Variants in CSMD1 observed in about 807,000 individuals in gnomAD.
CSMD1 encodes CUB and Sushi multiple domains 1, also known as CUB and sushi domain-containing protein 1.
Under a neutral mutation model 417.5 loss-of-function variants are expected in CSMD1, and 213 were observed. That is an observed-to-expected ratio of 0.51 (90% confidence interval 0.46 to 0.57). The LOEUF (loss-of-function observed/expected upper bound fraction) is 0.57, where lower values mean the gene tolerates loss of function less well. CSMD1 is among the 20% of genes least tolerant of loss of function. The pLI, the probability that CSMD1 is intolerant of heterozygous loss-of-function variation, is 0.00. For synonymous variants in CSMD1, 2,862 were observed against 1,736.8 expected, an observed-to-expected ratio of 1.65 and a Z score of -16.11; for missense variants, 6,923 against 4,529.7, an observed-to-expected ratio of 1.53 and a Z score of -15.17.
intron 11 of CSMD1, among the ~76,000 whole-genome samples, chr8:3,492,836 C>T (rs1343706812): frequency 2.7e-5 from 4 of 150,618 alleles, no homozygotes; most frequent in Non-Finnish European, 4.4e-5. Flanking sequence ...CAACACTTTT[C>T]CCCCCCATGT....
At chr8:4,320,949 T>C (rs960429753) in intron 3 of CSMD1, among the ~76,000 whole-genome samples, 3 of 152,182 alleles carry the variant, frequency 2.0e-5, no homozygotes, top group Non-Finnish European at 4.4e-5. Flanking sequence ...TGTGAGGTCC[T>C]AGCCACTCTG....
chr8:4,446,881 A>T (rs1228727235), intron 2 of CSMD1, among the ~76,000 whole-genome samples: 3 of 151,144 alleles, frequency 2.0e-5, no homozygotes, highest in East Asian at 2.0e-4. Context: ...TTGGCCTCCC[A>T]ATGTTCTGGG....
At chr8:3,580,400 G>T (rs1002106875) in intron 9 of CSMD1, among the ~76,000 whole-genome samples, 1 of 152,124 alleles carries the variant, frequency 6.6e-6, no homozygotes, top group Non-Finnish European at 1.5e-5. Context: ...ATACCTGGGG[G>T]GAGGCGGATA....
At chr8:4,784,648 T>C (rs150538260) in intron 1 of CSMD1, among the ~76,000 whole-genome samples, 5 of 152,178 alleles carry the variant, frequency 3.3e-5, no homozygotes, top group African/African-American at 4.8e-5. Flanking sequence ...TATGCCTCCA[T>C]TAAAAGAAGG....
At chr8:4,206,621 T>C (rs1378172365) in intron 3 of CSMD1, among the ~76,000 whole-genome samples, 4 of 152,218 alleles carry the variant, frequency 2.6e-5, no homozygotes, top group East Asian at 3.8e-4. Context: ...GCTTTGCTAC[T>C]GTGAACAGTG....
At chr8:4,374,960 G>GT (rs1554450647) in intron 3 of CSMD1, among the ~76,000 whole-genome samples, 6 of 116,350 alleles carry the variant, frequency 5.2e-5, no homozygotes, top group Admixed American at 4.3e-4. Flanking sequence ...CAAAGGTGGG[G>GT]TGGGGGGGGG....
At chr8:4,823,171 T>A (rs1312999096) in intron 1 of CSMD1, among the ~76,000 whole-genome samples, 1 of 152,082 alleles carries the variant, frequency 6.6e-6, no homozygotes, top group Non-Finnish European at 1.5e-5. Flanking sequence ...TGCTGGTTCC[T>A]GTCAGATCTG....
chr8:4,215,552 G>T (rs1800617733), intron 3 of CSMD1, among the ~76,000 whole-genome samples: 1 of 151,516 alleles, frequency 6.6e-6, no homozygotes, highest in Non-Finnish European at 1.5e-5. Flanking sequence ...ACATTGTTCT[G>T]ATAATCATAG....
intron 3 of CSMD1, among the ~76,000 whole-genome samples, chr8:4,251,805 AAGGACAGATGGAGG>A (rs1330908594): frequency 1.3e-5 from 2 of 149,360 alleles, no homozygotes; most frequent in East Asian, 2.0e-4. Flanking sequence ...AAAGATGGAG[AAGGACAGATGGAGG>A]AGGAGAGATG....
chr8:3,082,212 G>C (rs1487148804), intron 49 of CSMD1, among the ~76,000 whole-genome samples: 6 of 152,168 alleles, frequency 3.9e-5, no homozygotes, highest in African/African-American at 1.4e-4. Context: ...CTTCCAGACA[G>C]GATGCGTGCC....
chr8:4,521,908 C>T (rs1190344254), intron 2 of CSMD1, among the ~76,000 whole-genome samples: 2 of 152,204 alleles, frequency 1.3e-5, no homozygotes, highest in African/African-American at 2.4e-5. Context: ...ATGGCAGGCA[C>T]ACCATGAGAA....
At chr8:4,895,269 G>A (rs1397107212) in intron 1 of CSMD1, among the ~76,000 whole-genome samples, 1 of 152,134 alleles carries the variant, frequency 6.6e-6, no homozygotes, top group Non-Finnish European at 1.5e-5. Context: ...TGACTCAGGT[G>A]TGTTACGATT....
At chr8:3,349,048 A>G (rs1808213323) in intron 21 of CSMD1, among the ~76,000 whole-genome samples, 1 of 152,158 alleles carries the variant, frequency 6.6e-6, no homozygotes, top group Admixed American at 6.5e-5. Flanking sequence ...CTGCGCCAAC[A>G]ATTTTACAGA....
At chr8:4,336,459 G>A (rs999209873) in intron 3 of CSMD1, among the ~76,000 whole-genome samples, 2 of 152,076 alleles carry the variant, frequency 1.3e-5, no homozygotes, top group East Asian at 1.9e-4. Context: ...TGTGCTATGT[G>A]TAGATGTTTG....
chr8:3,130,354 G>A lies in CSMD1; in HGVS notation c.6242-11767C>T, dbSNP rs1283154686. 2.6e-5 allele frequency among the ~76,000 whole-genome samples: 4 copies of A among 152,038 alleles called. No individual in the cohort carries two copies. In the East Asian group the frequency reaches 5.8e-4, roughly 22 times the overall value. On this transcript the variant is annotated intron_variant, in intron 41 of 69. Transcript: ENST00000635120. Reference sequence around the variant, plus strand: ...CGTCGTGCATACAGCCAGACGAGGCGATGCAGGTGTGTTGGAGCTGAAAGC... The same window carrying A: ...CGTCGTGCATACAGCCAGACGAGGCAATGCAGGTGTGTTGGAGCTGAAAGC...
At chr8:3,358,369 G>T (rs940658402) in intron 21 of CSMD1, among the ~76,000 whole-genome samples, 1 of 152,170 alleles carries the variant, frequency 6.6e-6, no homozygotes, top group African/African-American at 2.4e-5. Context: ...ACATGGCTGG[G>T]TGGCAGGAAC....
intron 3 of CSMD1, among the ~76,000 whole-genome samples, chr8:4,143,998 C>T (rs1056423785): frequency 1.3e-5 from 2 of 151,324 alleles, no homozygotes; most frequent in Admixed American, 6.6e-5. Flanking sequence ...CCATCTGAGA[C>T]ACGGTGGAAG....
At chr8:4,104,710 C>G (rs968582412) in intron 3 of CSMD1, among the ~76,000 whole-genome samples, 2 of 152,146 alleles carry the variant, frequency 1.3e-5, no homozygotes, top group African/African-American at 4.8e-5. Flanking sequence ...CAATAGCTGG[C>G]AACAGTCCCA....
At chr8:3,680,003 A>G (rs1404254046) in intron 7 of CSMD1, among the ~76,000 whole-genome samples, 1 of 152,218 alleles carries the variant, frequency 6.6e-6, no homozygotes, top group African/African-American at 2.4e-5. Context: ...CAAAGACACA[A>G]CATGCCAGAA....
Sources: gnomAD v4.1 joint callset for allele counts (sites outside exome capture counted in the v4.1 genomes callset) on GRCh38, gnomAD v4.1.1 for gene constraint, MANE v1.5 for transcripts, NCBI Gene and HGNC (gene_info 2026-07-23, HGNC 2026-07-21) for gene names.